The following NCKIPSD variants were observed in gnomAD, a reference collection of about 807,000 sequenced individuals.
NCKIPSD encodes the protein NCK interacting protein with SH3 domain.
In NCKIPSD, 48 loss-of-function variants were observed where a neutral mutation model predicts 73.4. The observed-to-expected ratio is 0.65, with a 90% CI of 0.52 to 0.83. The LOEUF is 0.83. NCKIPSD is among the 40% of genes least tolerant of loss of function. The pLI is 0.00. For missense variants in NCKIPSD, 884 were observed against 970.2 expected, an observed-to-expected ratio of 0.91 and a Z score of 1.18; for synonymous variants, 422 against 403.6, an observed-to-expected ratio of 1.05 and a Z score of -0.54.
intron 4 of NCKIPSD, 111 bp downstream of exon 4, chr3:48,681,934 G>A: frequency 2.7e-6 from 4 of 1,472,194 alleles, no homozygotes; most frequent in Non-Finnish European, 3.7e-6. Context: ...CCCAAAATGG[G>A]AGTCCTGTCC....
rs1246506025 is a variant in NCKIPSD at position 48,685,821 on chromosome 3, G to A, written c.-14C>T. On this transcript the variant is annotated 5_prime_UTR_variant, in exon 1 of 13. Transcript: ENST00000294129. ...CGCGCGGTACATGAGGCCGGGCAGG[G>A]CAGGTGCAGGGAAGGTGGCAAGGGC... 1 of 1,454,826 alleles carries A rather than the reference G, an allele frequency of 6.9e-7. No homozygotes were observed. Among genetic ancestry groups the A allele is most frequent in the African/African-American group, 1.5e-5 (1 of 68,490 alleles). 90.1% of individuals were successfully genotyped at this position (1,454,826 alleles called of 1,614,324 possible). A position where few individuals can be genotyped will look rare whatever the true frequency, so the allele number is the denominator to read the frequency against.
intron 5 of NCKIPSD, 93 bp from the exon 6 acceptor site, chr3:48,680,322 T>A: frequency 7.3e-7 from 1 of 1,365,922 alleles, no homozygotes; most frequent in South Asian, 1.5e-5. Context: ...TCTGTGGACT[T>A]TTACTCCATG....
In NCKIPSD at chr3:48,681,051, C is replaced by A; in HGVS notation, c.1092+236G>T. 2 of 519,276 alleles carry A rather than the reference C, an allele frequency of 3.9e-6. 1 individual carries two copies. The highest frequency in any genetic ancestry group is 7.2e-4 in the Middle Eastern group (2 of 2,774). The allele number at this position is 519,276 out of a possible 1,614,324, so 32.2% of individuals were successfully genotyped here. A position where few individuals can be genotyped will look rare whatever the true frequency, so the allele number is the denominator to read the frequency against. On this transcript the variant is annotated intron_variant, in intron 5 of 12. Coordinates refer to ENST00000294129, the MANE Select transcript of NCKIPSD (RefSeq NM_016453.4). ...CAGTCCTGCAGGCCTTGTTCCACTTCCTCCCACAAGCCAGGCTCAGTCCTG... is the reference window on the plus strand; with the variant it reads ...CAGTCCTGCAGGCCTTGTTCCACTTACTCCCACAAGCCAGGCTCAGTCCTG...
rs6792510 is a variant in NCKIPSD, at chr3:48,685,869, G to T, written c.-62C>A. Reference sequence around the variant, plus strand: ...GGCTGCGGCGCCACAACGCCAGGCCGGGAGCGCCGAGCCGCGCCGCGGTTG... The same window carrying T: ...GGCTGCGGCGCCACAACGCCAGGCCTGGAGCGCCGAGCCGCGCCGCGGTTG... On this transcript the variant is annotated 5_prime_UTR_variant, in exon 1 of 13. Transcript: ENST00000294129. 6 of 1,332,344 alleles carry T rather than the reference G, an allele frequency of 4.5e-6. No individual in the cohort carries two copies. Among genetic ancestry groups the T allele is most frequent in the Non-Finnish European group, 5.8e-6 (6 of 1,042,784 alleles). 82.5% of individuals were successfully genotyped at this position (1,332,344 alleles called of 1,614,324 possible).
rs928265646 is a variant in NCKIPSD at position 48,685,865 on chromosome 3, G to A, written c.-58C>T. On this transcript the variant is annotated 5_prime_UTR_variant, in exon 1 of 13. Transcript: ENST00000294129. ...CAAGGGCTGCGGCGCCACAACGCCA[G>A]GCCGGGAGCGCCGAGCCGCGCCGCG... 1.5e-6 allele frequency: 2 copies of A among 1,342,486 alleles called. No individual in the cohort carries two copies. The highest frequency in any genetic ancestry group is 2.6e-4 in the Middle Eastern group (1 of 3,808). The allele number at this position is 1,342,486 out of a possible 1,614,324, so 83.2% of individuals were successfully genotyped here. A position where few individuals can be genotyped will look rare whatever the true frequency, so the allele number is the denominator to read the frequency against.
In NCKIPSD at chr3:48,681,736, C is replaced by T. The variant is rs578003124; in HGVS notation, c.643G>A (p.Gly215Ser). ...MPSGGNSVSS[G>S]SSVSSTSLDT... ...AGGGAGGTGCTGCTGACTGAGGAGC[C>T]GCTGGACACAGAGTTACCCCCGGAG... The change falls in exon 5 of 13, where the codon GGC becomes AGC. Residue 215 changes from glycine to serine, a missense_variant. Transcript: ENST00000294129. The T allele has an allele frequency of 2.6e-5, 40 of 1,534,406 alleles. No individual in the cohort carries two copies. In the South Asian group the frequency reaches 4.5e-4, roughly 17 times the overall value.
chr3:48,675,517 TATATATATATG>T (rs2077238472), intron 12 of NCKIPSD, among the ~76,000 whole-genome samples: 2 of 85,972 alleles, frequency 2.3e-5, no homozygotes, highest in South Asian at 3.5e-4. Flanking sequence ...ATCATATATA[TATATATATATG>T]ATATATATAT....
chr3:48,680,237 G>A lies in NCKIPSD; in HGVS notation c.1093-8C>T, dbSNP rs750376714. The A allele has an allele frequency of 3.4e-5, 54 of 1,601,940 alleles. No individual in the cohort carries two copies. Among genetic ancestry groups the A allele is most frequent in the Non-Finnish European group, 2.7e-5 (32 of 1,172,866 alleles). ...CAGGGCCATGCTGAGGTCCTAGAGG[G>A]AGAGGGCAAGGCATGACTCAGCACA... is the stretch of plus-strand genomic sequence containing the variant. On this transcript the variant is annotated splice_polypyrimidine_tract_variant and splice_region_variant and intron_variant, in intron 5 of 12. Coordinates refer to ENST00000294129, the MANE Select transcript of NCKIPSD (RefSeq NM_016453.4).
At chr3:48,675,564 C>A (rs1364100848) in intron 12 of NCKIPSD, among the ~76,000 whole-genome samples, 2 of 135,436 alleles carry the variant, frequency 1.5e-5, no homozygotes, top group African/African-American at 5.7e-5. Flanking sequence ...TTTTTTGAGA[C>A]AGGGTCTCGT....
Position 48,681,531 on chromosome 3 carries a change from G to A in NCKIPSD, c.848C>T (p.Ala283Val), listed in dbSNP as rs199948242. The part of the protein sequence containing the change: ...EEEVATGTTS[A>V]SDDLEALGTL... ...ACCCAGGGCTTCCAGGTCATCAGAG[G>A]CTGAGGTTGTACCAGTTGCCACTTC... The change falls in exon 5 of 13, where the codon GCC becomes GTC. Residue 283 changes from alanine to valine, a missense_variant. Ala to Val is a moderately conservative substitution (Grantham distance 64, BLOSUM62 0). Transcript: ENST00000294129. The A allele has an allele frequency of 8.7e-6, 14 of 1,614,164 alleles. No individual in the cohort carries two copies. The highest frequency in any genetic ancestry group is 1.3e-5 in the African/African-American group (1 of 75,056).
rs775894747 is a variant in NCKIPSD at position 48,679,778 on chromosome 3, C to G, written c.1350+23G>C. 2.5e-6 allele frequency: 4 copies of G among 1,614,076 alleles called. No homozygotes were observed. In the East Asian group the frequency reaches 8.9e-5, roughly 36 times the overall value. ...CCACTATCTAGGTCTCTCCATTACC[C>G]CTCCCCTCCATCCTGCACATACCAT... On this transcript the variant is annotated intron_variant, in intron 7 of 12. Coordinates refer to ENST00000294129, the MANE Select transcript of NCKIPSD (RefSeq NM_016453.4).
At chr3:48,676,185 C>T (rs947988205) in intron 12 of NCKIPSD, among the ~76,000 whole-genome samples, 4 of 152,216 alleles carry the variant, frequency 2.6e-5, no homozygotes, top group Admixed American at 2.0e-4. Flanking sequence ...TAATAATGTC[C>T]ACCTTCTCTG....
intron 1 of NCKIPSD, among the ~76,000 whole-genome samples, chr3:48,684,953 A>G (rs2077411841): frequency 6.6e-6 from 1 of 151,962 alleles, no homozygotes; most frequent in South Asian, 2.1e-4. Flanking sequence ...CTTGGTTCAA[A>G]TAAGGTTGGT....
intron 12 of NCKIPSD, among the ~76,000 whole-genome samples, chr3:48,675,032 C>G (rs1559489634): frequency 6.6e-6 from 1 of 152,128 alleles, no homozygotes; most frequent in Non-Finnish European, 1.5e-5. Flanking sequence ...CTCTGTCTAT[C>G]AGTCAGAGGC....
At position 48,678,679 on chromosome 3, in the gene NCKIPSD, A is replaced by C. The variant is rs2077295415; in HGVS notation, c.1850T>G (p.Phe617Cys). Residue 617 changes from phenylalanine to cysteine, a missense_variant, in exon 12 of 13, where the codon TTC (phenylalanine) becomes TGC (cysteine). Physicochemically the swap from Phe to Cys is radical, Grantham distance 205. Transcript: ENST00000294129. ...EPQPPHSVLKFLQDVFGSPAT... is the reference protein window; with the variant it reads ...EPQPPHSVLKCLQDVFGSPAT... Reference sequence around the variant, plus strand: ...CGGGCTGCCAAACACGTCCTGCAGGAACTTGAGGACAGAGTGTGGTGGCTG... The same window carrying C: ...CGGGCTGCCAAACACGTCCTGCAGGCACTTGAGGACAGAGTGTGGTGGCTG... The C allele has an allele frequency of 1.2e-6, 2 of 1,614,020 alleles. No homozygotes were observed. The highest frequency in any genetic ancestry group is 1.7e-6 in the Non-Finnish European group (2 of 1,180,034).
Position 48,685,636 on chromosome 3 carries a change from C to A in NCKIPSD, c.171+1G>T. ...GGCCGGGCGGGAAGGGGCGCACTCACCTGCAGGCGGCGCAGGTAGGCTGGC... is the reference window on the plus strand; with the variant it reads ...GGCCGGGCGGGAAGGGGCGCACTCAACTGCAGGCGGCGCAGGTAGGCTGGC... On this transcript the variant is annotated splice_donor_variant, in intron 1 of 12. Coordinates refer to ENST00000294129, the MANE Select transcript of NCKIPSD (RefSeq NM_016453.4). LOFTEE classifies it high-confidence loss of function. 6.6e-7 allele frequency: 1 copy of A among 1,520,814 alleles called. No homozygotes were observed. Among genetic ancestry groups the A allele is most frequent in the South Asian group, 1.2e-5 (1 of 83,310 alleles). The allele number at this position is 1,520,814 out of a possible 1,614,324, so 94.2% of individuals were successfully genotyped here.
intron 5 of NCKIPSD, among the ~76,000 whole-genome samples, chr3:48,680,557 G>A (rs1283694854): frequency 6.6e-6 from 1 of 152,122 alleles, no homozygotes; most frequent in East Asian, 1.9e-4. Context: ...AATGGCACAG[G>A]CCTGTCATCT....
chr3:48,681,229 T>C (rs1183089215), intron 5 of NCKIPSD, 58 bp downstream of exon 5: 4 of 1,515,464 alleles, frequency 2.6e-6, no homozygotes, highest in Non-Finnish European at 3.5e-6. Context: ...TGGACAAGTG[T>C]GTGACGGTGG....
rs138301314 is a variant in NCKIPSD at position 48,682,724 on chromosome 3, C to A, written c.282-172G>T. On this transcript the variant is annotated intron_variant, in intron 2 of 12. Coordinates refer to ENST00000294129, the MANE Select transcript of NCKIPSD (RefSeq NM_016453.4). ...ATACTATCCTCAGTCCTGCGCTCTG[C>A]ACACCCCTGGTGCTCACTGAAGGAC... 5.8e-4 allele frequency: 649 copies of A among 1,124,734 alleles called. 4 individuals carry two copies. The African/African-American group carries it at 7.2e-3, about 12-fold the overall frequency. 69.7% of individuals were successfully genotyped at this position (1,124,734 alleles called of 1,614,324 possible). A position where few individuals can be genotyped will look rare whatever the true frequency, so the allele number is the denominator to read the frequency against.
Sources: gnomAD v4.1 joint callset for allele counts (sites outside exome capture counted in the v4.1 genomes callset) on GRCh38, gnomAD v4.1.1 for gene constraint, MANE v1.5 for transcripts, NCBI Gene and HGNC (gene_info 2026-07-23, HGNC 2026-07-21) for gene names.